The following UFL1 variants were observed in gnomAD, a reference collection of about 807,000 sequenced individuals.
The protein encoded by UFL1 is E3 UFM1-protein ligase 1.
Under a neutral mutation model 99.3 loss-of-function variants are expected in UFL1, and 78 were observed. The observed-to-expected ratio is 0.79, with a 90% CI of 0.65 to 0.95. The LOEUF (loss-of-function observed/expected upper bound fraction) is 0.95, where lower values mean the gene tolerates loss of function less well. Ranked by LOEUF, UFL1 falls within the 40% of genes least tolerant of loss-of-function variation. UFL1 has a pLI of 0.00. For synonymous variants in UFL1, 335 were observed against 322.2 expected (o/e 1.04, Z -0.42); for missense variants, 936 against 937.0 (o/e 1.00, Z 0.01).
At chr6:96,536,076 T>C (rs759857180) in intron 7 of UFL1, among the ~76,000 whole-genome samples, 168 bp from the exon 8 acceptor site, 32 of 152,042 alleles carry the variant, frequency 2.1e-4, no homozygotes, top group Non-Finnish European at 4.6e-4. Context: ...TTCTCATAAA[T>C]GGCAGGAAAA....
intron 12 of UFL1, among the ~76,000 whole-genome samples, chr6:96,547,665 C>T (rs1770018969): frequency 6.6e-6 from 1 of 151,484 alleles, no homozygotes; most frequent in Non-Finnish European, 1.5e-5. Context: ...TCCTTTGCAG[C>T]AACGTGGTTG....
Position 96,534,280 on chromosome 6 carries a change from CT to C in UFL1, c.617del (p.Leu206Ter). On this transcript the variant is annotated frameshift_variant, in exon 7 of 19. Transcript: ENST00000369278. LOFTEE classifies it high-confidence loss of function. The part of the protein sequence containing the change: ...SAITRPTAVN[S>X]LISKYGFQEQ... ...CCATAAAGGCCTACAGCTGTGAATTCTTTGATTTCAAAATATGGATTTCAGG... is the reference window on the plus strand; with the variant it reads ...CCATAAAGGCCTACAGCTGTGAATTCTTGATTTCAAAATATGGATTTCAGG... 6.4e-7 allele frequency: 1 copy of C among 1,561,100 alleles called. No homozygotes were observed. Among genetic ancestry groups the C allele is most frequent in the Non-Finnish European group, 8.6e-7 (1 of 1,157,588 alleles).
chr6:96,554,715 A>G lies in UFL1; in HGVS notation c.*1212A>G, dbSNP rs866061279. Reference sequence around the variant, plus strand: ...GTCTACCTCTACTCCATTCTAGACAAAGTATTAATCCTTAGTGAAAGTAAT... The same window carrying G: ...GTCTACCTCTACTCCATTCTAGACAGAGTATTAATCCTTAGTGAAAGTAAT... On this transcript the variant is annotated 3_prime_UTR_variant, in exon 19 of 19. Transcript: ENST00000369278. The G allele has an allele frequency of 2.0e-5, 3 of 152,590 alleles. No homozygotes were observed. Among genetic ancestry groups the G allele is most frequent in the African/African-American group, 4.8e-5 (2 of 41,456 alleles). The allele number at this position is 152,590 out of a possible 1,614,324, so 9.5% of individuals were successfully genotyped here. A position where few individuals can be genotyped will look rare whatever the true frequency, so the allele number is the denominator to read the frequency against.
intron 1 of UFL1, 71 bp from the exon 2 acceptor site, chr6:96,523,075 C>T (rs1303396295): frequency 2.1e-6 from 3 of 1,421,558 alleles, no homozygotes; most frequent in Non-Finnish European, 2.8e-6. Flanking sequence ...TGTTTTCATA[C>T]ATTGTATTAA....
At chr6:96,546,670 A>G (rs1048757276) in intron 12 of UFL1, among the ~76,000 whole-genome samples, 3 of 151,732 alleles carry the variant, frequency 2.0e-5, no homozygotes, top group Non-Finnish European at 4.4e-5. Context: ...AAATGGACAC[A>G]TAGATCATTG....
intron 2 of UFL1, among the ~76,000 whole-genome samples, 163 bp from the exon 3 acceptor site, chr6:96,524,219 A>G (rs1769668068): frequency 6.6e-6 from 1 of 152,140 alleles, no homozygotes; most frequent in Non-Finnish European, 1.5e-5. Context: ...TTCAGCCATG[A>G]AGACTTAGCC....
intron 3 of UFL1, among the ~76,000 whole-genome samples, chr6:96,524,658 T>C (rs75066591): frequency 0.011 from 1,663 of 152,310 alleles, 33 homozygotes; most frequent in African/African-American, 0.035. Context: ...AACTCTTCCC[T>C]AGTTGGCTTT....
At chr6:96,526,712 T>TAA (rs1769709400) in intron 5 of UFL1, among the ~76,000 whole-genome samples, 1 of 152,194 alleles carries the variant, frequency 6.6e-6, no homozygotes, top group Non-Finnish European at 1.5e-5. Context: ...TTTGATGCAA[T>TAA]TAGCAAATGT....
At chr6:96,537,232 G>T in intron 8 of UFL1, 142 bp from the exon 9 acceptor site, 1 of 548,862 alleles carries the variant, frequency 1.8e-6, no homozygotes, top group Non-Finnish European at 2.9e-6. Context: ...TCTTAAGCAT[G>T]ATTATTTGGG....
intron 12 of UFL1, among the ~76,000 whole-genome samples, chr6:96,547,032 A>T (rs1327756327): frequency 6.6e-6 from 1 of 151,694 alleles, no homozygotes; most frequent in African/African-American, 2.4e-5. Context: ...CAGCAAAATA[A>T]ATAATTACAA....
Position 96,549,269 on chromosome 6 carries a change from G to C in UFL1, c.1521-143G>C, listed in dbSNP as rs146162562. The C allele has an allele frequency of 8.4e-6, 5 of 593,418 alleles. No individual in the cohort carries two copies. The African/African-American group carries it at 9.8e-5, about 12-fold the overall frequency. 36.8% of individuals were successfully genotyped at this position (593,418 alleles called of 1,614,324 possible). A position where few individuals can be genotyped will look rare whatever the true frequency, so the allele number is the denominator to read the frequency against. ...TAGGGTTGTGGAACAAATTGTTAGT[G>C]AACTTGTCTCCAAATTAATTTTATT... On this transcript the variant is annotated intron_variant, in intron 13 of 18. Coordinates refer to ENST00000369278, the MANE Select transcript of UFL1 (RefSeq NM_015323.5).
chr6:96,536,904 A>G (rs749889833), intron 8 of UFL1, among the ~76,000 whole-genome samples: 3 of 151,630 alleles, frequency 2.0e-5, no homozygotes, highest in South Asian at 2.1e-4. Flanking sequence ...AAGTTATTCT[A>G]AATTCTGTGT....
chr6:96,531,600 C>T (rs1318121355), intron 6 of UFL1, among the ~76,000 whole-genome samples: 1 of 152,168 alleles, frequency 6.6e-6, no homozygotes, highest in African/African-American at 2.4e-5. Flanking sequence ...GGGAAAGAAA[C>T]TGGGTAGCTG....
At position 96,553,445 on chromosome 6, in the gene UFL1, C is replaced by A. The variant is rs1319448894; in HGVS notation, c.2327C>A (p.Ser776Tyr). The change falls in exon 19 of 19, where the codon TCT becomes TAT. Residue 776 changes from serine (S) to tyrosine (Y), a missense_variant. By Grantham distance (144) the Ser-to-Tyr change is moderately radical. Transcript: ENST00000369278. Reference sequence around the variant, plus strand: ...ACTCGTAAAGAGCTTCAAGAACTTTCTTCATCCATTAAAGACCTTGTTCTC... The same window carrying A: ...ACTCGTAAAGAGCTTCAAGAACTTTATTCATCCATTAAAGACCTTGTTCTC... Reference protein sequence around the residue: ...STTRKELQELSSSIKDLVLKS... With the variant: ...STTRKELQELYSSIKDLVLKS... The A allele has an allele frequency of 1.9e-6, 3 of 1,613,702 alleles. No individual in the cohort carries two copies. In the East Asian group the frequency reaches 6.7e-5, roughly 36 times the overall value.
chr6:96,534,238 T>G (rs745864550), intron 6 of UFL1, 25 bp from the exon 7 acceptor site: 148 of 1,492,240 alleles, frequency 9.9e-5, no homozygotes, highest in Non-Finnish European at 1.2e-4. Flanking sequence ...GTAAGAAGTT[T>G]TTTTTTTTTT....
At chr6:96,534,823 T>C (rs1398157814) in intron 7 of UFL1, among the ~76,000 whole-genome samples, 1 of 151,888 alleles carries the variant, frequency 6.6e-6, no homozygotes, top group East Asian at 1.9e-4. Context: ...GGGTTTTTTT[T>C]AATGCTTTGC....
At chr6:96,535,202 C>T (rs1769835792) in intron 7 of UFL1, among the ~76,000 whole-genome samples, 1 of 151,896 alleles carries the variant, frequency 6.6e-6, no homozygotes, top group South Asian at 2.1e-4. Context: ...TTCTAATTTA[C>T]TCAGCATTGC....
intron 5 of UFL1, 125 bp downstream of exon 5, chr6:96,526,560 A>G (rs776956293): frequency 1.3e-5 from 10 of 754,774 alleles, no homozygotes; most frequent in Non-Finnish European, 2.2e-5. Context: ...CAGGTGTCTG[A>G]CTTGATATAT....
rs778468289 is a variant in UFL1 at position 96,552,454 on chromosome 6, G to T, written c.1986-28G>T. On this transcript the variant is annotated intron_variant, in intron 17 of 18. Transcript: ENST00000369278. ...TGAGAACTTCTTAAATTATGATAAT[G>T]AATTTGTGTGCTTTTTTTTTTTTTT... 4 of 1,521,530 alleles carry T rather than the reference G, an allele frequency of 2.6e-6. No individual in the cohort carries two copies. The South Asian group carries it at 5.0e-5, about 19-fold the overall frequency. The allele number at this position is 1,521,530 out of a possible 1,614,324, so 94.3% of individuals were successfully genotyped here. A position where few individuals can be genotyped will look rare whatever the true frequency, so the allele number is the denominator to read the frequency against.
Sources: gnomAD v4.1 joint callset for allele counts (sites outside exome capture counted in the v4.1 genomes callset) on GRCh38, gnomAD v4.1.1 for gene constraint, MANE v1.5 for transcripts, NCBI Gene and HGNC (gene_info 2026-07-23, HGNC 2026-07-21) for gene names.